The following LCA5 variants were observed in gnomAD, a reference collection of about 807,000 sequenced individuals.
LCA5 encodes the protein lebercilin.
In LCA5, 37 loss-of-function variants were observed where a neutral mutation model predicts 53.0. The observed-to-expected ratio is 0.70, with a 90% confidence interval of 0.54 to 0.92. LCA5 has a LOEUF of 0.92. Ranked by LOEUF, LCA5 falls within the 40% of genes least tolerant of loss-of-function variation. The probability of loss-of-function intolerance (pLI) is 0.00; values close to 1 mark genes in which losing one functional copy is unlikely to be tolerated. For missense variants in LCA5, 806 were observed against 790.5 expected, an observed-to-expected ratio of 1.02 and a Z score of -0.23; for synonymous variants, 303 against 282.9, an observed-to-expected ratio of 1.07 and a Z score of -0.71.
chr6:79,496,050 G>T (rs1001720161), intron 3 of LCA5, among the ~76,000 whole-genome samples: 1 of 152,068 alleles, frequency 6.6e-6, no homozygotes, highest in Non-Finnish European at 1.5e-5. Flanking sequence ...TCACCAAAAA[G>T]ATATCCAGAG....
At chr6:79,515,418 A>T (rs1182644668) in intron 2 of LCA5, among the ~76,000 whole-genome samples, 1 of 152,162 alleles carries the variant, frequency 6.6e-6, no homozygotes, top group Non-Finnish European at 1.5e-5. Flanking sequence ...CATCCTAAAA[A>T]ATATAAGTAT....
chr6:79,513,437 G>C lies in LCA5; in HGVS notation c.495C>G (p.Asn165Lys). Residue 165 changes from asparagine to lysine, a missense_variant, in exon 3 of 8, where the codon AAC (asparagine) becomes AAG (lysine). Transcript: ENST00000369846. The part of the protein sequence containing the change: ...NEISQLIFRH[N>K]NEITALKERL... ...GTTCTTTGAGTGCTGTAATCTCATT[G>C]TTATGACGAAATATAAGTTGTGAGA... The C allele has an allele frequency of 6.2e-7, 1 of 1,613,750 alleles. No homozygotes were observed. Among genetic ancestry groups the C allele is most frequent in the Non-Finnish European group, 8.5e-7 (1 of 1,179,852 alleles).
At chr6:79,525,652 A>C (rs926626329) in intron 1 of LCA5, among the ~76,000 whole-genome samples, 1 of 152,248 alleles carries the variant, frequency 6.6e-6, no homozygotes, top group Non-Finnish European at 1.5e-5. Flanking sequence ...AAATTCAACA[A>C]GAAAAAGAGG....
chr6:79,533,445 T>C (rs1390906230), intron 1 of LCA5, among the ~76,000 whole-genome samples: 1 of 151,768 alleles, frequency 6.6e-6, no homozygotes, highest in Non-Finnish European at 1.5e-5. Context: ...AAAAGGAAAA[T>C]TATAAGCCTT....
At chr6:79,537,717 G>A (rs1414142289), upstream of LCA5, among the ~76,000 whole-genome samples, 1 of 152,088 alleles carries the variant, frequency 6.6e-6, no homozygotes, top group Admixed American at 6.5e-5. Flanking sequence ...GGCAAAGTGG[G>A]TTCATGATAT....
chr6:79,512,223 TTC>T (rs1283436322), intron 3 of LCA5, among the ~76,000 whole-genome samples: 3 of 152,148 alleles, frequency 2.0e-5, no homozygotes, highest in South Asian at 2.1e-4. Context: ...TAAAAATAGT[TTC>T]TGTTTGCTTT....
At chr6:79,533,326 A>C (rs1299522054) in intron 1 of LCA5, among the ~76,000 whole-genome samples, 4 of 152,136 alleles carry the variant, frequency 2.6e-5, no homozygotes, top group Admixed American at 1.3e-4. Context: ...CAATCAGTTA[A>C]CAGTTGTTCG....
intron 3 of LCA5, among the ~76,000 whole-genome samples, chr6:79,501,420 G>A (rs1770136112): frequency 6.6e-6 from 1 of 151,988 alleles, no homozygotes; most frequent in Non-Finnish European, 1.5e-5. Context: ...TGATAAATAT[G>A]CTGAAAGGAA....
chr6:79,512,275 A>G (rs1770428370), intron 3 of LCA5, among the ~76,000 whole-genome samples: 1 of 152,062 alleles, frequency 6.6e-6, no homozygotes, highest in Non-Finnish European at 1.5e-5. Context: ...ACATAATAGG[A>G]TATCTTCTGT....
At chr6:79,536,498 C>T (rs1767126565) in intron 1 of LCA5, among the ~76,000 whole-genome samples, 1 of 152,236 alleles carries the variant, frequency 6.6e-6, no homozygotes, top group African/African-American at 2.4e-5. Context: ...AACACTATCC[C>T]ACGGTCTATC....
chr6:79,514,882 G>C (rs140639113), intron 2 of LCA5, among the ~76,000 whole-genome samples: 2 of 152,188 alleles, frequency 1.3e-5, no homozygotes, highest in African/African-American at 4.8e-5. Flanking sequence ...CAAGAGGAGA[G>C]AGCAGATCAG....
At chr6:79,495,615 G>C (rs942851076) in intron 3 of LCA5, among the ~76,000 whole-genome samples, 1 of 151,940 alleles carries the variant, frequency 6.6e-6, no homozygotes, top group East Asian at 1.9e-4. Flanking sequence ...GCCAGGTGTG[G>C]TGGCACGCGC....
Position 79,487,497 on chromosome 6 carries a change from C to A in LCA5, c.1601G>T (p.Gly534Val). 1 of 1,614,000 alleles carries A rather than the reference C, an allele frequency of 6.2e-7. No individual in the cohort carries two copies. The highest frequency in any genetic ancestry group is 8.5e-7 in the Non-Finnish European group (1 of 1,179,920). ...LQDISFSTPK[G>V]EGQNSGNVRS... is the part of the protein sequence containing the mutation. ...AACATTTCCTGAATTCTGACCTTCTCCTTTTGGAGTTGAGAAACTGATGTC... is the reference window on the plus strand; with the variant it reads ...AACATTTCCTGAATTCTGACCTTCTACTTTTGGAGTTGAGAAACTGATGTC... Residue 534 changes from glycine to valine, a missense_variant, in exon 8 of 8, where the codon GGA becomes GTA. Transcript: ENST00000369846.
chr6:79,514,014 C>G (rs1359817141), intron 2 of LCA5, among the ~76,000 whole-genome samples: 1 of 152,080 alleles, frequency 6.6e-6, no homozygotes, highest in East Asian at 1.9e-4. Context: ...CAGGCTTTAA[C>G]CATTTTTAAC....
At chr6:79,490,227 C>G (rs1769800088) in intron 6 of LCA5, among the ~76,000 whole-genome samples, 1 of 151,986 alleles carries the variant, frequency 6.6e-6, no homozygotes, top group South Asian at 2.1e-4. Context: ...TTTGGTGAGG[C>G]CCTTTACAGT....
chr6:79,487,561 C>T lies in LCA5; in HGVS notation c.1537G>A (p.Glu513Lys), dbSNP rs756865925. ...CCATTAAATAATCTCTCTGAGGATT[C>T]AGAGAACCTGTATGTTTTGGGGCTT... is the stretch of plus-strand genomic sequence containing the variant. Reference protein sequence around the residue: ...ERSPKTYRFSESSERLFNGHH... With the variant: ...ERSPKTYRFSKSSERLFNGHH... The change falls in exon 8 of 8, where the codon GAA becomes AAA. Residue 513 changes from glutamate (E) to lysine (K), a missense_variant. Glu to Lys is a moderately conservative substitution (Grantham distance 56). Transcript: ENST00000369846. 6.2e-7 allele frequency: 1 copy of T among 1,613,996 alleles called. No homozygotes were observed. The highest frequency in any genetic ancestry group is 1.1e-5 in the South Asian group (1 of 91,066).
chr6:79,491,283 TTTA>T (rs1769831200), intron 6 of LCA5, among the ~76,000 whole-genome samples: 1 of 151,916 alleles, frequency 6.6e-6, no homozygotes, highest in Non-Finnish European at 1.5e-5. Context: ...AATTTTAAAT[TTTA>T]TTATTATTAT....
chr6:79,527,886 C>T (rs114436446), intron 1 of LCA5, among the ~76,000 whole-genome samples: 2,711 of 152,284 alleles, frequency 0.018, 76 homozygotes, highest in African/African-American at 0.061. Context: ...ACTACTCCAA[C>T]TCCAAACCCT....
intron 3 of LCA5, among the ~76,000 whole-genome samples, chr6:79,509,614 T>C (rs1293243415): frequency 6.6e-6 from 1 of 152,194 alleles, no homozygotes; most frequent in Non-Finnish European, 1.5e-5. Context: ...AGTAAATTTA[T>C]AAAACCAAGT....
Sources: gnomAD v4.1 joint callset for allele counts (sites outside exome capture counted in the v4.1 genomes callset) on GRCh38, gnomAD v4.1.1 for gene constraint, MANE v1.5 for transcripts, NCBI Gene and HGNC (gene_info 2026-07-23, HGNC 2026-07-21) for gene names.